Variants in MAGI2 observed in about 807,000 individuals in gnomAD.
MAGI2 encodes membrane-associated guanylate kinase, WW and PDZ domain-containing protein 2.
A neutral mutation model predicts 133.3 loss-of-function variants in MAGI2; 35 were observed. That is an observed-to-expected ratio of 0.26 (90% CI 0.20 to 0.35). The LOEUF (loss-of-function observed/expected upper bound fraction) is 0.35, where lower values mean the gene tolerates loss of function less well. Among genes scored for constraint, MAGI2 ranks in the 10% least tolerant of loss-of-function variants. MAGI2 has a pLI of 1.00. For missense variants in MAGI2, 1,636 were observed against 1,863.4 expected (o/e 0.88, Z 2.25); for synonymous variants, 729 against 710.6 (o/e 1.03, Z -0.41).
chr7:78,579,814 C>G (rs1802648771), intron 3 of MAGI2, among the ~76,000 whole-genome samples: 1 of 151,886 alleles, frequency 6.6e-6, no homozygotes, highest in Admixed American at 6.6e-5. Context: ...TTTTTTCTTA[C>G]AGGGATCCAT....
chr7:78,763,511 CTAT>C (rs1824721629), intron 2 of MAGI2, among the ~76,000 whole-genome samples: 1 of 152,138 alleles, frequency 6.6e-6, no homozygotes, highest in African/African-American at 2.4e-5. Flanking sequence ...AAGGGGTTGT[CTAT>C]GATATTTCGA....
intron 3 of MAGI2, among the ~76,000 whole-genome samples, chr7:78,624,080 A>C (rs987225980): frequency 6.6e-6 from 1 of 152,042 alleles, no homozygotes; most frequent in Non-Finnish European, 1.5e-5. Flanking sequence ...TTTAATGATC[A>C]GTGATGTTGA....
At chr7:79,274,585 T>TA (rs60674890) in intron 1 of MAGI2, among the ~76,000 whole-genome samples, 90,067 of 150,196 alleles carry the variant, frequency 0.6, 28,732 homozygotes, top group Non-Finnish European at 0.7. Flanking sequence ...ATATTATATA[T>TA]TTTTTTTCAA....
At chr7:78,435,913 A>C (rs1800239977) in intron 6 of MAGI2, among the ~76,000 whole-genome samples, 1 of 152,182 alleles carries the variant, frequency 6.6e-6, no homozygotes, top group Non-Finnish European at 1.5e-5. Context: ...GACAGATGAA[A>C]ATGTACTTTC....
intron 3 of MAGI2, among the ~76,000 whole-genome samples, 159 bp from the exon 4 acceptor site, chr7:78,521,804 CTCTA>C (rs1162252404): frequency 1.3e-5 from 2 of 152,004 alleles, no homozygotes; most frequent in Non-Finnish European, 1.5e-5. Context: ...CTATGTGTCT[CTCTA>C]TATATATACA....
At chr7:79,400,930 C>T (rs1563189418) in intron 1 of MAGI2, among the ~76,000 whole-genome samples, 1 of 152,088 alleles carries the variant, frequency 6.6e-6, no homozygotes. Context: ...AGTGCCAGCT[C>T]TCAATATGAC....
chr7:78,203,234 A>C (rs1829434129), intron 10 of MAGI2, among the ~76,000 whole-genome samples: 1 of 152,202 alleles, frequency 6.6e-6, no homozygotes, highest in South Asian at 2.1e-4. Flanking sequence ...TTGCTATTTC[A>C]CATCTGACAG....
intron 3 of MAGI2, among the ~76,000 whole-genome samples, chr7:78,525,933 T>C (rs1457015106): frequency 1.3e-5 from 2 of 152,206 alleles, no homozygotes; most frequent in Admixed American, 1.3e-4. Context: ...GTTATATAGA[T>C]TAATGATACT....
At position 79,195,784 on chromosome 7, in the gene MAGI2, G is replaced by A. The variant is rs34018443; in HGVS notation, c.302-188578C>T. Among the ~76,000 whole-genome samples, 1,083 of 146,552 alleles carry A rather than the reference G, an allele frequency of 7.4e-3. 4 individuals are homozygous for A. The highest frequency in any genetic ancestry group is 0.012 in the Non-Finnish European group (795 of 67,910). ...TATCCAGCATCAATCTAATACTAAG[G>A]ATTTTTTTTTTTGAGATTTAATATA... On this transcript the variant is annotated intron_variant, in intron 1 of 21. Coordinates refer to ENST00000354212, the MANE Select transcript of MAGI2 (RefSeq NM_012301.4).
chr7:78,638,339 C>T (rs1229611058), intron 2 of MAGI2, among the ~76,000 whole-genome samples: 1 of 152,198 alleles, frequency 6.6e-6, no homozygotes, highest in African/African-American at 2.4e-5. Context: ...TTTATTCATA[C>T]ATTTGAATCA....
chr7:79,125,684 G>A (rs1820352026), intron 1 of MAGI2: 1 of 528,876 alleles, frequency 1.9e-6, no homozygotes, highest in Non-Finnish European at 3.7e-6. Context: ...TTGGAGCCAT[G>A]AAGGGAGGAA....
intron 2 of MAGI2, among the ~76,000 whole-genome samples, chr7:78,679,679 T>C (rs1178732951): frequency 6.6e-6 from 1 of 152,142 alleles, no homozygotes; most frequent in Non-Finnish European, 1.5e-5. Flanking sequence ...ATTCTGGAGT[T>C]TACACGTAGA....
intron 2 of MAGI2, among the ~76,000 whole-genome samples, chr7:78,711,691 C>T (rs747566898): frequency 7.2e-5 from 11 of 152,056 alleles, no homozygotes; most frequent in Non-Finnish European, 1.5e-4. Flanking sequence ...TCTCCAGAGA[C>T]TGAGTAGAGA....
At chr7:78,951,594 C>G (rs1026898823) in intron 2 of MAGI2, among the ~76,000 whole-genome samples, 1 of 152,132 alleles carries the variant, frequency 6.6e-6, no homozygotes, top group South Asian at 2.1e-4. Context: ...ATTATGGGAA[C>G]TGCAAGTCAA....
chr7:78,202,515 T>C (rs1829342796), intron 10 of MAGI2, among the ~76,000 whole-genome samples: 1 of 151,814 alleles, frequency 6.6e-6, no homozygotes, highest in African/African-American at 2.4e-5. Flanking sequence ...AAACCCTGTC[T>C]CTGCTAAAAA....
chr7:78,430,091 T>C (rs189992640), intron 6 of MAGI2, among the ~76,000 whole-genome samples: 1 of 152,258 alleles, frequency 6.6e-6, no homozygotes, highest in African/African-American at 2.4e-5. Flanking sequence ...AAAATGCAAA[T>C]GCAGATTCCA....
intron 3 of MAGI2, among the ~76,000 whole-genome samples, chr7:78,581,116 ACT>A (rs1584727148): frequency 6.6e-6 from 1 of 152,062 alleles, no homozygotes; most frequent in Non-Finnish European, 1.5e-5. Flanking sequence ...ATTTGAAAAA[ACT>A]CAGTATTAGC....
chr7:78,711,800 A>C (rs1294380550), intron 2 of MAGI2, among the ~76,000 whole-genome samples: 1 of 152,192 alleles, frequency 6.6e-6, no homozygotes, highest in Non-Finnish European at 1.5e-5. Flanking sequence ...TTTTTCACAG[A>C]ATAAGGCAGC....
At chr7:79,153,682 A>G (rs1372800379) in intron 1 of MAGI2, among the ~76,000 whole-genome samples, 2 of 152,226 alleles carry the variant, frequency 1.3e-5, no homozygotes, top group African/African-American at 4.8e-5. Flanking sequence ...GACCCTAAGC[A>G]TAGTGGAAGC....
Sources: gnomAD v4.1 joint callset for allele counts (sites outside exome capture counted in the v4.1 genomes callset) on GRCh38, gnomAD v4.1.1 for gene constraint, MANE v1.5 for transcripts, NCBI Gene and HGNC (gene_info 2026-07-23, HGNC 2026-07-21) for gene names.